The following CLASP1 variants were observed in gnomAD, a reference collection of about 807,000 sequenced individuals.
CLASP1 encodes CLIP-associating protein 1.
A neutral mutation model predicts 192.3 loss-of-function variants in CLASP1; 38 were observed. The ratio of observed to expected loss-of-function variants is 0.20; its 90% CI spans 0.15 to 0.26. The LOEUF is 0.26. Among genes scored for constraint, CLASP1 ranks in the 10% least tolerant of loss-of-function variants. The probability of loss-of-function intolerance (pLI) is 1.00; values close to 1 mark genes in which losing one functional copy is unlikely to be tolerated. For synonymous variants in CLASP1, 691 were observed against 712.8 expected (o/e 0.97, Z 0.49); for missense variants, 1,433 against 1,932.5 (o/e 0.74, Z 4.85).
At chr2:121,605,570 A>G in intron 2 of CLASP1, 131 bp downstream of exon 2, 1 of 637,566 alleles carries the variant, frequency 1.6e-6, no homozygotes, top group Non-Finnish European at 2.7e-6. Flanking sequence ...CAAGGCCACA[A>G]TCTGATTGAG....
chr2:121,560,367 T>C (rs2058966728), intron 2 of CLASP1, among the ~76,000 whole-genome samples: 1 of 152,254 alleles, frequency 6.6e-6, no homozygotes. Context: ...AATGTGTTTG[T>C]ATGCTGGGGA....
Position 121,527,796 on chromosome 2 carries a change from T to TA in CLASP1, c.470+2dup. 1 of 1,608,134 alleles carries TA rather than the reference T, an allele frequency of 6.2e-7. No homozygotes were observed. The stretch of plus-strand genomic sequence containing the variant: ...AAAAATGTCAGGCTCATCCCAGACT[T>TA]ACGCATTGAGTGTTGCTATAAGGCA... On this transcript the variant is annotated splice_region_variant and intron_variant, in intron 5 of 39. Coordinates refer to ENST00000263710, the Ensembl canonical transcript of CLASP1.
At chr2:121,548,899 T>C (rs2057732110) in intron 2 of CLASP1, among the ~76,000 whole-genome samples, 1 of 152,182 alleles carries the variant, frequency 6.6e-6, no homozygotes, top group African/African-American at 2.4e-5. Flanking sequence ...CAGACCTGCC[T>C]TACAAGAGAT....
At chr2:121,503,262 T>A in intron 7 of CLASP1, 28 bp from the exon 8 acceptor site, 1 of 1,300,748 alleles carries the variant, frequency 7.7e-7, no homozygotes, top group Non-Finnish European at 1.1e-6. Flanking sequence ...GTAAACAAAC[T>A]ATTAACCATC....
intron 33 of CLASP1, among the ~76,000 whole-genome samples, chr2:121,378,913 G>A (rs1359350166): frequency 3.4e-5 from 5 of 148,806 alleles, no homozygotes; most frequent in African/African-American, 5.0e-5. Context: ...TGAGTTTCCT[G>A]TAATGTAAAA....
intron 30 of CLASP1, among the ~76,000 whole-genome samples, chr2:121,392,037 G>C (rs2074444887): frequency 6.6e-6 from 1 of 152,238 alleles, no homozygotes; most frequent in Admixed American, 6.5e-5. Context: ...AAGTCAACTA[G>C]ATATCTCATC....
intron 4 of CLASP1, 121 bp from the exon 5 acceptor site, chr2:121,528,011 C>T (rs1018147838): frequency 1.5e-6 from 1 of 660,470 alleles, no homozygotes; most frequent in African/African-American, 1.8e-5. Flanking sequence ...TCTACCAACA[C>T]ATTTAATCCT....
chr2:121,535,551 T>C (rs559647559), intron 2 of CLASP1, among the ~76,000 whole-genome samples: 4 of 151,302 alleles, frequency 2.6e-5, no homozygotes, highest in East Asian at 3.9e-4. Context: ...TTCAAAAGAA[T>C]AGGCAAGAGA....
At position 121,394,794 on chromosome 2, in the gene CLASP1, G is replaced by A. The variant is rs928462768; in HGVS notation, c.3123+2346C>T. 1.2e-4 allele frequency among the ~76,000 whole-genome samples: 18 copies of A among 152,208 alleles called. No individual in the cohort carries two copies. The East Asian group carries it at 1.4e-3, about 11-fold the overall frequency. On this transcript the variant is annotated intron_variant, in intron 30 of 39. Coordinates refer to ENST00000263710, the Ensembl canonical transcript of CLASP1. Reference sequence around the variant, plus strand: ...ACTCGGGAGGCTGAGGCAGGAGAATGGCGTGAACCCGGGAGGCGGAGGTTG... The same window carrying A: ...ACTCGGGAGGCTGAGGCAGGAGAATAGCGTGAACCCGGGAGGCGGAGGTTG...
At chr2:121,525,019 C>T (rs966899184) in intron 6 of CLASP1, among the ~76,000 whole-genome samples, 9 of 152,168 alleles carry the variant, frequency 5.9e-5, no homozygotes, top group South Asian at 4.1e-4. Context: ...CTGATACAAC[C>T]TCCTGGGAGG....
chr2:121,364,569 A>G (rs1417670610), intron 36 of CLASP1: 1 of 160,262 alleles, frequency 6.2e-6, no homozygotes, highest in African/African-American at 2.4e-5. Context: ...AGCTTTTTTT[A>G]TTTTTAAATT....
At chr2:121,576,803 CA>C (rs1424193372) in intron 2 of CLASP1, among the ~76,000 whole-genome samples, 1 of 152,136 alleles carries the variant, frequency 6.6e-6, no homozygotes, top group Non-Finnish European at 1.5e-5. Context: ...CTTTCCTATA[CA>C]GAATGCATTT....
At chr2:121,492,351 T>C (rs1436808477) in intron 8 of CLASP1, among the ~76,000 whole-genome samples, 1 of 130,406 alleles carries the variant, frequency 7.7e-6, no homozygotes, top group African/African-American at 3.0e-5. Context: ...GTCGCACCAG[T>C]GTACTCCAGC....
At chr2:121,382,229 A>G (rs1196301809) in exon 33 of CLASP1, 1 of 1,609,316 alleles carries the variant, frequency 6.2e-7, no homozygotes, top group Admixed American at 1.7e-5. Flanking sequence ...AGAGCGCCTG[A>G]GAGCCTTGTG....
In CLASP1 at chr2:121,585,250, G is replaced by A. The variant is rs950362330; in HGVS notation, c.195+20451C>T. 2.6e-5 allele frequency among the ~76,000 whole-genome samples: 4 copies of A among 152,172 alleles called. No individual in the cohort carries two copies. In the East Asian group the frequency reaches 7.7e-4, roughly 29 times the overall value. On this transcript the variant is annotated intron_variant, in intron 2 of 39. Transcript: ENST00000263710. ...CTGGAGTCACCTTCAAATAAAAGAAGAGAAAGAAGAACACCAACTAGAAAC... is the reference window on the plus strand; with the variant it reads ...CTGGAGTCACCTTCAAATAAAAGAAAAGAAAGAAGAACACCAACTAGAAAC...
intron 7 of CLASP1, among the ~76,000 whole-genome samples, chr2:121,512,502 T>C (rs1237945372): frequency 2.0e-5 from 3 of 152,246 alleles, no homozygotes; most frequent in Admixed American, 6.5e-5. Context: ...TCAAATATTC[T>C]ATACCTTTAG....
intron 25 of CLASP1, among the ~76,000 whole-genome samples, chr2:121,407,157 A>G (rs949320981): frequency 2.0e-5 from 3 of 151,868 alleles, no homozygotes; most frequent in Admixed American, 1.3e-4. Flanking sequence ...TGGAGGCTGC[A>G]GTGAGCCAAG....
In CLASP1 at chr2:121,500,114, A is replaced by G. The variant is rs542045718; in HGVS notation, c.712+3053T>C. Among the ~76,000 whole-genome samples, 4 of 152,290 alleles carry G rather than the reference A, an allele frequency of 2.6e-5. 1 individual carries two copies. In the South Asian group the frequency reaches 6.2e-4, roughly 24 times the overall value. On this transcript the variant is annotated intron_variant, in intron 8 of 39. Transcript: ENST00000263710. Reference sequence around the variant, plus strand: ...GAGGCTACAAAAACTCCTACAACTAATAAGTTCAGAAAGGTTGTAATCTAA... The same window carrying G: ...GAGGCTACAAAAACTCCTACAACTAGTAAGTTCAGAAAGGTTGTAATCTAA...
chr2:121,363,331 C>A, intron 36 of CLASP1, 31 bp from the exon 38 acceptor site: 1 of 1,611,256 alleles, frequency 6.2e-7, no homozygotes, highest in Non-Finnish European at 8.5e-7. Flanking sequence ...AAGACATCAC[C>A]AAACACCACA....
Sources: allele counts gnomAD v4.1 joint callset (sites outside exome capture counted in the v4.1 genomes callset), GRCh38; gene constraint gnomAD v4.1.1; transcripts MANE v1.5; gene names NCBI Gene and HGNC (gene_info 2026-07-23, HGNC 2026-07-21).